KCNJ16: variants seen among roughly 807,000 people sequenced by gnomAD.
KCNJ16 encodes potassium inwardly rectifying channel subfamily J member 16.
A neutral mutation model predicts 18.5 loss-of-function variants in KCNJ16; 15 were observed. That is an observed-to-expected ratio of 0.81 (90% CI 0.54 to 1.25). The LOEUF is 1.25. KCNJ16 is among the 50% of genes most tolerant of loss of function. The probability of loss-of-function intolerance (pLI) is 0.00; values close to 1 mark genes in which losing one functional copy is unlikely to be tolerated. For missense variants in KCNJ16, 523 were observed against 525.7 expected (o/e 0.99, Z 0.05); for synonymous variants, 174 against 186.5 (o/e 0.93, Z 0.55).
intron 1 of KCNJ16, among the ~76,000 whole-genome samples, chr17:70,090,403 C>G (rs1162801476): frequency 6.6e-6 from 1 of 152,150 alleles, no homozygotes; most frequent in Non-Finnish European, 1.5e-5. Flanking sequence ...TAATTGAGGT[C>G]AATGGAAACA....
At chr17:70,116,637 A>AACACTTTTACACAAACAG (rs1489808063) in intron 2 of KCNJ16, among the ~76,000 whole-genome samples, 1 of 152,134 alleles carries the variant, frequency 6.6e-6, no homozygotes, top group Non-Finnish European at 1.5e-5. Context: ...AATTTAATTA[A>AACACTTTTACACAAACAG]ACACTTTTAC....
intron 2 of KCNJ16, chr17:70,101,869 A>G (rs894096020): frequency 2.6e-5 from 4 of 152,214 alleles, no homozygotes; most frequent in African/African-American, 9.7e-5. Context: ...ATTACAATTA[A>G]ATTGTGGATT....
chr17:70,132,091 AG>A lies in KCNJ16; in HGVS notation c.5del (p.Ser2ThrfsTer25). 1 of 1,614,208 alleles carries A rather than the reference AG, an allele frequency of 6.2e-7. No individual in the cohort carries two copies. Among genetic ancestry groups the A allele is most frequent in the South Asian group, 1.1e-5 (1 of 91,086 alleles). M[S>X]YYGSSYHIIN... ...ATCCCTAAGGGCACAGCAAAGAATG[AG>A]CTATTACGGCAGCAGCTATCATATT... On this transcript the variant is annotated frameshift_variant, in exon 4 of 4. Transcript: ENST00000392671. LOFTEE classifies it high-confidence loss of function.
intron 2 of KCNJ16, 44 bp from the exon 3 acceptor site, chr17:70,130,835 T>C: frequency 1.2e-6 from 1 of 844,024 alleles, no homozygotes; most frequent in Non-Finnish European, 1.9e-6. Flanking sequence ...TACTAAGCTG[T>C]TAAAATTGGC....
At position 70,132,228 on chromosome 17, in the gene KCNJ16, C is replaced by A; in HGVS notation, c.141C>A (p.Phe47Leu). The change falls in exon 4 of 4, where the codon TTC (phenylalanine) becomes TTA (leucine). Residue 47 changes from phenylalanine to leucine, a missense_variant. Phe to Leu is a conservative substitution (Grantham distance 22). Transcript: ENST00000392671. Reference protein sequence around the residue: ...LHKDGSCNVYFKHIFGEWGSY... With the variant: ...LHKDGSCNVYLKHIFGEWGSY... Reference sequence around the variant, plus strand: ...AAGATGGCAGCTGTAATGTCTACTTCAAGCACATTTTTGGAGAATGGGGAA... The same window carrying A: ...AAGATGGCAGCTGTAATGTCTACTTAAAGCACATTTTTGGAGAATGGGGAA... 6.2e-7 allele frequency: 1 copy of A among 1,614,224 alleles called. No homozygotes were observed. Among genetic ancestry groups the A allele is most frequent in the Non-Finnish European group, 8.5e-7 (1 of 1,180,036 alleles).
intron 2 of KCNJ16, among the ~76,000 whole-genome samples, chr17:70,104,068 T>C (rs923801442): frequency 9.2e-5 from 14 of 151,446 alleles, no homozygotes; most frequent in African/African-American, 2.9e-4. Flanking sequence ...TCCCAGGCGA[T>C]CCTCCTACCT....
intron 2 of KCNJ16, among the ~76,000 whole-genome samples, chr17:70,109,273 A>T (rs148112442): frequency 2.6e-5 from 4 of 152,286 alleles, no homozygotes; most frequent in African/African-American, 9.6e-5. Flanking sequence ...CTTTATCTTT[A>T]AAAAGGGGAT....
intron 1 of KCNJ16, among the ~76,000 whole-genome samples, chr17:70,080,096 T>C (rs2071488893): frequency 6.6e-6 from 1 of 152,160 alleles, no homozygotes; most frequent in Non-Finnish European, 1.5e-5. Context: ...AAGTTATTTC[T>C]GAGACACTGA....
At position 70,095,297 on chromosome 17, in the gene KCNJ16, G is replaced by A. The variant is rs2072304034; in HGVS notation, c.-299-5361G>A. On this transcript the variant is annotated intron_variant, in intron 1 of 3. Transcript: ENST00000392671. ...ACAACTTTGACCATAATCTCTGCAG[G>A]AACCAGCCCAGGAAGCCCAATCATA... Among the ~76,000 whole-genome samples the A allele has an allele frequency of 2.6e-5, 4 of 152,238 alleles. No homozygotes were observed. The South Asian group carries it at 8.3e-4, about 32-fold the overall frequency.
At chr17:70,125,948 T>C (rs1324942364) in intron 2 of KCNJ16, among the ~76,000 whole-genome samples, 1 of 147,556 alleles carries the variant, frequency 6.8e-6, no homozygotes, top group African/African-American at 2.5e-5. Context: ...AAAAGAAAAA[T>C]AGAAAACAGA....
At position 70,131,977 on chromosome 17, in the gene KCNJ16, G is replaced by T. The variant is rs760841571; in HGVS notation, c.-93-18G>T. 3.3e-6 allele frequency: 5 copies of T among 1,538,286 alleles called. No individual in the cohort carries two copies. In the Admixed American group the frequency reaches 1.0e-4, roughly 32 times the overall value. On this transcript the variant is annotated intron_variant, in intron 3 of 3. Coordinates refer to ENST00000392671, the MANE Select transcript of KCNJ16 (RefSeq NM_170741.4). The stretch of plus-strand genomic sequence containing the variant: ...ATTGAAAGCTAAAAAGTGTGTTTTT[G>T]TTGTTGTTGTTTTTTAGGTTCTAAC...
chr17:70,128,514 T>C (rs2073938045), intron 2 of KCNJ16: 1 of 152,104 alleles, frequency 6.6e-6, no homozygotes, highest in African/African-American at 2.4e-5. Context: ...TGGAAACGCT[T>C]CACCAACCTG....
chr17:70,105,474 T>C (rs949585434), intron 2 of KCNJ16, among the ~76,000 whole-genome samples: 1 of 152,218 alleles, frequency 6.6e-6, no homozygotes, highest in Admixed American at 6.6e-5. Context: ...TGTATGTCTT[T>C]GTCACTCTTC....
chr17:70,094,818 TAG>T (rs2072279742), intron 1 of KCNJ16, among the ~76,000 whole-genome samples: 1 of 152,168 alleles, frequency 6.6e-6, no homozygotes, highest in Non-Finnish European at 1.5e-5. Context: ...TCTTACTGGC[TAG>T]AGTTAACCAG....
chr17:70,118,615 A>ATTT (rs1212841245), intron 2 of KCNJ16, among the ~76,000 whole-genome samples: 1 of 151,986 alleles, frequency 6.6e-6, no homozygotes, highest in Admixed American at 6.6e-5. Context: ...GAGAGAGAGA[A>ATTT]TTGAGGAGGG....
At chr17:70,091,955 G>C (rs1176241550) in intron 1 of KCNJ16, among the ~76,000 whole-genome samples, 7 of 152,038 alleles carry the variant, frequency 4.6e-5, no homozygotes, top group Non-Finnish European at 1.0e-4. Flanking sequence ...GGGGGTTGTG[G>C]TTATTTGCAT....
chr17:70,091,212 C>T (rs1422343807), intron 1 of KCNJ16, among the ~76,000 whole-genome samples: 1 of 152,170 alleles, frequency 6.6e-6, no homozygotes, highest in East Asian at 1.9e-4. Flanking sequence ...TCTACTTCCT[C>T]TCCTACTCAT....
At chr17:70,086,325 T>G (rs2071794762) in intron 1 of KCNJ16, among the ~76,000 whole-genome samples, 1 of 152,186 alleles carries the variant, frequency 6.6e-6, no homozygotes, top group Admixed American at 6.5e-5. Flanking sequence ...GTAAATTCTG[T>G]ATTTCCTTGG....
chr17:70,130,141 C>T (rs1398241438), intron 2 of KCNJ16, among the ~76,000 whole-genome samples: 1 of 152,060 alleles, frequency 6.6e-6, no homozygotes, highest in Non-Finnish European at 1.5e-5. Context: ...TATACTTCAT[C>T]CCATTCTCAT....
Sources: allele counts gnomAD v4.1 joint callset (sites outside exome capture counted in the v4.1 genomes callset), GRCh38; gene constraint gnomAD v4.1.1; transcripts MANE v1.5; gene names NCBI Gene and HGNC (gene_info 2026-07-23, HGNC 2026-07-21).